HP1BP3: variants seen among roughly 807,000 people sequenced by gnomAD.
HP1BP3 encodes the protein heterochromatin protein 1-binding protein 3.
A neutral mutation model predicts 62.5 loss-of-function variants in HP1BP3; 12 were observed. The ratio of observed to expected loss-of-function variants is 0.19; its 90% CI spans 0.12 to 0.31. HP1BP3 has a LOEUF of 0.31. Ranked by LOEUF, HP1BP3 falls within the 10% of genes least tolerant of loss-of-function variation. HP1BP3 has a pLI of 1.00. For synonymous variants in HP1BP3, 260 were observed against 237.8 expected (o/e 1.09, Z -0.86); for missense variants, 502 against 651.8 (o/e 0.77, Z 2.50).
chr1:20,786,197 T>C (rs1464285853), intron 1 of HP1BP3: 1 of 152,334 alleles, frequency 6.6e-6, no homozygotes, highest in African/African-American at 2.4e-5. Flanking sequence ...TCACCACTCC[T>C]GCCTCCATCT....
rs925313458 is a variant in HP1BP3, at chr1:20,740,957, A to T, written c.*3840T>A. Among the ~76,000 whole-genome samples, 7 of 152,242 alleles carry T rather than the reference A, an allele frequency of 4.6e-5. No individual in the cohort carries two copies. Among genetic ancestry groups the T allele is most frequent in the African/African-American group, 1.4e-4 (6 of 41,462 alleles). On this transcript the variant is annotated 3_prime_UTR_variant, in exon 13 of 13. Coordinates refer to ENST00000438032, the MANE Select transcript of HP1BP3 (RefSeq NM_001372052.1). ...ATCTTTGTCAAGTGGTTCCTAAGCC[A>T]AAACTTCAACAGTTCTGCTTCCTTG... is the stretch of plus-strand genomic sequence containing the variant.
intron 3 of HP1BP3, among the ~76,000 whole-genome samples, chr1:20,778,177 T>C (rs1463152425): frequency 1.3e-5 from 2 of 152,200 alleles, no homozygotes; most frequent in Non-Finnish European, 2.9e-5. Flanking sequence ...TATTTTCTCT[T>C]CTCAAGAATA....
At chr1:20,784,675 A>C (rs1282197235) in intron 1 of HP1BP3, among the ~76,000 whole-genome samples, 2 of 151,714 alleles carry the variant, frequency 1.3e-5, no homozygotes, top group Non-Finnish European at 2.9e-5. Flanking sequence ...ACGGGGTTTC[A>C]CCGTGTTAGC....
At chr1:20,783,239 G>A (rs1394579721) in intron 1 of HP1BP3, among the ~76,000 whole-genome samples, 1 of 152,014 alleles carries the variant, frequency 6.6e-6, no homozygotes, top group East Asian at 1.9e-4. Flanking sequence ...GAGACGTTAG[G>A]GCTGGGTACA....
At chr1:20,750,346 C>A (rs2055644968) in intron 9 of HP1BP3, 1 of 65,004 alleles carries the variant, frequency 1.5e-5, no homozygotes, top group Non-Finnish European at 4.2e-5. Context: ...CACACACACA[C>A]ACACACACAC....
intron 11 of HP1BP3, 85 bp from the exon 12 acceptor site, chr1:20,745,741 T>C (rs2055277704): frequency 1.4e-6 from 2 of 1,393,548 alleles, no homozygotes; most frequent in Non-Finnish European, 2.0e-6. Flanking sequence ...TACCTGGACA[T>C]ATCCCACTTC....
intron 1 of HP1BP3, among the ~76,000 whole-genome samples, chr1:20,781,755 T>G (rs1325460826): frequency 6.6e-6 from 1 of 152,156 alleles, no homozygotes; most frequent in Non-Finnish European, 1.5e-5. Context: ...CCTTCCTGAG[T>G]AGCTGGGATT....
chr1:20,740,854 G>C lies in HP1BP3; in HGVS notation c.*3943C>G, dbSNP rs968116818. On this transcript the variant is annotated 3_prime_UTR_variant, in exon 13 of 13. Coordinates refer to ENST00000438032, the MANE Select transcript of HP1BP3 (RefSeq NM_001372052.1). ...AGTAAAAGAATATAGTTATAAAGAC[G>C]GTAGAGATTAATTTCTTAAGAAAAT... Among the ~76,000 whole-genome samples, 2 of 152,144 alleles carry C rather than the reference G, an allele frequency of 1.3e-5. No homozygotes were observed. The highest frequency in any genetic ancestry group is 4.8e-5 in the African/African-American group (2 of 41,432).
At chr1:20,777,286 T>A (rs1383581346) in intron 3 of HP1BP3, among the ~76,000 whole-genome samples, 4 of 149,242 alleles carry the variant, frequency 2.7e-5, no homozygotes, top group Non-Finnish European at 4.5e-5. Context: ...CAAAAAAAAA[T>A]AAAAATAAAA....
intron 12 of HP1BP3, 132 bp from the exon 13 acceptor site, chr1:20,745,223 T>C: frequency 9.8e-7 from 1 of 1,020,970 alleles, no homozygotes; most frequent in Non-Finnish European, 1.4e-6. Flanking sequence ...ATGTGACAAT[T>C]TTTTACTAGA....
chr1:20,749,791 G>A lies in HP1BP3; in HGVS notation c.1073C>T (p.Thr358Ile). 1 of 1,613,922 alleles carries A rather than the reference G, an allele frequency of 6.2e-7. No homozygotes were observed. The highest frequency in any genetic ancestry group is 8.5e-7 in the Non-Finnish European group (1 of 1,179,812). Residue 358 changes from threonine (T) to isoleucine (I), a missense_variant, in exon 10 of 13, where the codon ACC (threonine) becomes ATC (isoleucine). Thr to Ile is a moderately conservative substitution (Grantham distance 89). Around this residue, in one of 5 missense-constraint regions of HP1BP3, gnomAD observed 111 missense variants for 242.0 expected, o/e 0.46. Transcript: ENST00000438032. ...SAIAAMNEPK[T>I]CSTTALKKYV... ...CTTCTTCAGAGCAGTGGTAGAGCAG[G>A]TCTTCGGCTCATTCATGGCAGCAAT...
chr1:20,778,446 A>C (rs1365675034), intron 3 of HP1BP3, among the ~76,000 whole-genome samples: 1 of 152,212 alleles, frequency 6.6e-6, no homozygotes, highest in African/African-American at 2.4e-5. Context: ...GTTTTCTAAT[A>C]CTTTACATCT....
At chr1:20,750,494 T>A (rs184684305) in intron 9 of HP1BP3, among the ~76,000 whole-genome samples, 1 of 151,036 alleles carries the variant, frequency 6.6e-6, no homozygotes, top group African/African-American at 2.4e-5. Context: ...GCCACTGAAC[T>A]CCAGCCTCGG....
intron 9 of HP1BP3, among the ~76,000 whole-genome samples, chr1:20,751,239 T>C (rs1279452001): frequency 6.6e-6 from 1 of 152,128 alleles, no homozygotes; most frequent in Admixed American, 6.6e-5. Context: ...TTGTAAGGCT[T>C]CCGGTCAACA....
intron 1 of HP1BP3, among the ~76,000 whole-genome samples, chr1:20,784,365 G>A (rs980561905): frequency 2.6e-5 from 4 of 151,932 alleles, no homozygotes; most frequent in African/African-American, 2.4e-5. Context: ...TTATCTACCT[G>A]GTTCATTTGC....
At chr1:20,772,334 A>T (rs934002553) in intron 5 of HP1BP3, among the ~76,000 whole-genome samples, 5 of 151,386 alleles carry the variant, frequency 3.3e-5, no homozygotes, top group Admixed American at 6.5e-5. Context: ...ATATTGTTTT[A>T]ATTTTTTATT....
intron 11 of HP1BP3, among the ~76,000 whole-genome samples, chr1:20,746,832 T>C (rs780090366): frequency 6.6e-5 from 10 of 152,052 alleles, no homozygotes; most frequent in Non-Finnish European, 1.3e-4. Context: ...CTAGATAATA[T>C]GGTAAGACCC....
chr1:20,770,808 G>T (rs2057024138), intron 6 of HP1BP3, 122 bp downstream of exon 6: 2 of 721,838 alleles, frequency 2.8e-6, no homozygotes, highest in South Asian at 2.6e-5. Flanking sequence ...TAAACTTAAG[G>T]AATTTCATCA....
intron 8 of HP1BP3, among the ~76,000 whole-genome samples, chr1:20,763,272 C>A (rs2056589324): frequency 6.6e-6 from 1 of 152,200 alleles, no homozygotes; most frequent in Non-Finnish European, 1.5e-5. Context: ...ATGTTTCCAT[C>A]TTTAAATGCA....
Sources: gnomAD v4.1 joint callset for allele counts (sites outside exome capture counted in the v4.1 genomes callset) on GRCh38, gnomAD v4.1.1 for gene constraint, gnomAD v4.1.1 regional missense constraint, MANE v1.5 for transcripts, NCBI Gene and HGNC (gene_info 2026-07-23, HGNC 2026-07-21) for gene names.